The following AKAP19 variants were observed in gnomAD, a reference collection of about 807,000 sequenced individuals.
The protein encoded by AKAP19 is small A-kinase anchoring protein.
chr2:189,888,535 A>G, the AKAP19 span, among the ~76,000 whole-genome samples: 2 of 152,216 alleles, frequency 1.3e-5, no homozygotes, highest in African/African-American at 4.8e-5. Context: ...TTTGGGCAGT[A>G]TGGCCATTTT....
At chr2:190,116,966 AGGTAT>A in the AKAP19 span, among the ~76,000 whole-genome samples, 1 of 152,250 alleles carries the variant, frequency 6.6e-6, no homozygotes, top group Non-Finnish European at 1.5e-5. Flanking sequence ...AATGGTATGA[AGGTAT>A]GGTGTCAGAT....
the AKAP19 span, chr2:190,060,566 G>T: frequency 2.6e-6 from 2 of 779,192 alleles, no homozygotes; most frequent in Non-Finnish European, 4.0e-6. Flanking sequence ...ATGAAATACC[G>T]TGTGGAACTT....
the AKAP19 span, among the ~76,000 whole-genome samples, chr2:189,905,168 T>C: frequency 1.3e-5 from 2 of 151,980 alleles, no homozygotes; most frequent in African/African-American, 4.8e-5. Context: ...TCATAATTTA[T>C]TTTTTCTAAA....
At chr2:190,004,682 G>A in the AKAP19 span, among the ~76,000 whole-genome samples, 626 of 151,196 alleles carry the variant, frequency 4.1e-3, 5 homozygotes, top group African/African-American at 0.014. Flanking sequence ...TGAGTTTCAC[G>A]GAACCTTGCC....
At chr2:190,053,781 T>C in the AKAP19 span, among the ~76,000 whole-genome samples, 1 of 152,204 alleles carries the variant, frequency 6.6e-6, no homozygotes, top group Non-Finnish European at 1.5e-5. Flanking sequence ...ATATTTGAAT[T>C]TAGATTTCTA....
chr2:190,064,513 T>C, the AKAP19 span, among the ~76,000 whole-genome samples: 3 of 152,144 alleles, frequency 2.0e-5, no homozygotes, highest in Admixed American at 2.0e-4. Context: ...CACTTCTAAC[T>C]ATGTGATAAT....
chr2:190,172,760 A>G, the AKAP19 span, among the ~76,000 whole-genome samples: 1 of 152,044 alleles, frequency 6.6e-6, no homozygotes, highest in Admixed American at 6.6e-5. Context: ...TATTTTTTCC[A>G]TTTTCTCATA....
At chr2:189,978,101 A>T in the AKAP19 span, among the ~76,000 whole-genome samples, 2 of 152,204 alleles carry the variant, frequency 1.3e-5, no homozygotes, top group African/African-American at 2.4e-5. Flanking sequence ...AAATGCATTT[A>T]AAAAATACAC....
At chr2:190,129,721 C>T in the AKAP19 span, among the ~76,000 whole-genome samples, 1 of 151,882 alleles carries the variant, frequency 6.6e-6, no homozygotes, top group Non-Finnish European at 1.5e-5. Context: ...AGATGTGAGT[C>T]TTGTGTAAGT....
the AKAP19 span, among the ~76,000 whole-genome samples, chr2:189,899,546 C>T: frequency 6.6e-6 from 1 of 152,052 alleles, no homozygotes. Context: ...GCATGGTCTC[C>T]TTGAGGATCT....
chr2:190,071,125 C>CT, the AKAP19 span, among the ~76,000 whole-genome samples: 1 of 151,982 alleles, frequency 6.6e-6, no homozygotes, highest in Admixed American at 6.6e-5. Flanking sequence ...ATTTAAAAAC[C>CT]TTTTTTAAAA....
the AKAP19 span, among the ~76,000 whole-genome samples, chr2:189,900,280 T>G: frequency 6.6e-6 from 1 of 152,168 alleles, no homozygotes; most frequent in East Asian, 1.9e-4. Flanking sequence ...ATGTGAAATT[T>G]TTAGAACAAA....
At chr2:190,120,534 T>C in the AKAP19 span, among the ~76,000 whole-genome samples, 17 of 152,358 alleles carry the variant, frequency 1.1e-4, no homozygotes, top group Admixed American at 5.2e-4. Context: ...GGCTCTATAT[T>C]GTGTTACATG....
chr2:189,975,620 A>G, the AKAP19 span, among the ~76,000 whole-genome samples: 1 of 152,234 alleles, frequency 6.6e-6, no homozygotes, highest in African/African-American at 2.4e-5. Context: ...AGGTACACCA[A>G]TCAGGTGTAG....
chr2:190,135,401 A>G, the AKAP19 span, among the ~76,000 whole-genome samples: 1 of 152,194 alleles, frequency 6.6e-6, no homozygotes, highest in African/African-American at 2.4e-5. Flanking sequence ...ATTTTTAAGG[A>G]TCTCTGCGTG....
At chr2:190,156,495 G>T in the AKAP19 span, among the ~76,000 whole-genome samples, 2 of 152,064 alleles carry the variant, frequency 1.3e-5, no homozygotes, top group African/African-American at 4.8e-5. Flanking sequence ...ATTTTAAAAA[G>T]GGAATGATAA....
At chr2:189,966,454 T>C in the AKAP19 span, among the ~76,000 whole-genome samples, 40 of 152,234 alleles carry the variant, frequency 2.6e-4, no homozygotes, top group East Asian at 7.1e-3. Context: ...AAAAATGAGA[T>C]ATGCCTGAAT....
the AKAP19 span, among the ~76,000 whole-genome samples, chr2:189,927,389 GAACAT>G: frequency 6.6e-6 from 1 of 152,056 alleles, no homozygotes; most frequent in Non-Finnish European, 1.5e-5. Flanking sequence ...ATTAACAGTT[GAACAT>G]TCACATTTCA....
the AKAP19 span, among the ~76,000 whole-genome samples, chr2:190,127,748 T>C: frequency 2.6e-4 from 40 of 152,174 alleles, no homozygotes; most frequent in African/African-American, 9.2e-4. Flanking sequence ...TTTTTGTTTC[T>C]TATCTTTTTT....
Sources: allele counts gnomAD v4.1 joint callset (sites outside exome capture counted in the v4.1 genomes callset), GRCh38; gene constraint gnomAD v4.1.1; transcripts MANE v1.5; gene names NCBI Gene and HGNC (gene_info 2026-07-23, HGNC 2026-07-21).